DCDC2: variants seen among roughly 807,000 people sequenced by gnomAD.
The protein encoded by DCDC2 is doublecortin domain containing 2.
In DCDC2, 40 loss-of-function variants were observed where a neutral mutation model predicts 50.2. The ratio of observed to expected loss-of-function variants is 0.80; its 90% CI spans 0.62 to 1.04. The LOEUF is 1.04. DCDC2 is among the 50% of genes least tolerant of loss of function. DCDC2 has a pLI of 0.00. For synonymous variants in DCDC2, 234 were observed against 210.6 expected (o/e 1.11, Z -0.96); for missense variants, 570 against 581.9 (o/e 0.98, Z 0.21).
intron 7 of DCDC2, among the ~76,000 whole-genome samples, chr6:24,262,399 T>C (rs1468026006): frequency 6.6e-6 from 1 of 152,176 alleles, no homozygotes; most frequent in Non-Finnish European, 1.5e-5. Flanking sequence ...ATAAACTTGA[T>C]AAACTTAAAT....
chr6:24,217,397 AACT>A lies in DCDC2; in HGVS notation c.923-12298_923-12296del, dbSNP rs1315667123. On this transcript the variant is annotated intron_variant, in intron 7 of 9. Coordinates refer to ENST00000378454, the MANE Select transcript of DCDC2 (RefSeq NM_016356.5). ...ATCCAAGGCTCCAACATTCACTTTC[AACT>A]ACTACCAATAATATGTTTCTACTAT... 8.5e-5 allele frequency among the ~76,000 whole-genome samples: 13 copies of A among 152,374 alleles called. 1 individual carries two copies. The highest frequency in any genetic ancestry group is 3.9e-4 in the East Asian group (2 of 5,194).
intron 8 of DCDC2, among the ~76,000 whole-genome samples, chr6:24,187,256 C>A (rs1421025483): frequency 6.6e-6 from 1 of 152,134 alleles, no homozygotes; most frequent in Non-Finnish European, 1.5e-5. Context: ...CCCAGACCTT[C>A]CCAGACATAA....
intron 7 of DCDC2, among the ~76,000 whole-genome samples, chr6:24,214,193 T>G (rs1404673877): frequency 6.6e-6 from 1 of 152,228 alleles, no homozygotes; most frequent in East Asian, 1.9e-4. Context: ...TTCAGGGTAT[T>G]AAATCTCATC....
At chr6:24,337,624 T>C (rs759649553) in intron 2 of DCDC2, among the ~76,000 whole-genome samples, 9 of 151,872 alleles carry the variant, frequency 5.9e-5, no homozygotes, top group Non-Finnish European at 1.0e-4. Flanking sequence ...TGAAACCCCA[T>C]CTCTACCAAA....
chr6:24,181,156 C>T (rs1335592802), intron 8 of DCDC2, among the ~76,000 whole-genome samples: 2 of 152,090 alleles, frequency 1.3e-5, no homozygotes, highest in East Asian at 3.9e-4. Flanking sequence ...AGGGTGGGTC[C>T]CTCACAAAGG....
intron 2 of DCDC2, among the ~76,000 whole-genome samples, chr6:24,340,049 T>G (rs569283833): frequency 6.6e-6 from 1 of 152,304 alleles, no homozygotes; most frequent in Admixed American, 6.5e-5. Context: ...AAATTCCCAG[T>G]AGACAATCAC....
intron 2 of DCDC2, among the ~76,000 whole-genome samples, chr6:24,324,523 C>T (rs2113853947): frequency 6.6e-6 from 1 of 152,238 alleles, no homozygotes; most frequent in East Asian, 1.9e-4. Flanking sequence ...CCCTATTTGT[C>T]CCATCTTTTT....
chr6:24,323,737 C>T (rs1759811133), intron 2 of DCDC2, among the ~76,000 whole-genome samples: 1 of 152,002 alleles, frequency 6.6e-6, no homozygotes, highest in South Asian at 2.1e-4. Context: ...CCTGAGGCAA[C>T]CAGCAACAAT....
chr6:24,283,691 T>A (rs1264360622), intron 6 of DCDC2, among the ~76,000 whole-genome samples: 1 of 152,138 alleles, frequency 6.6e-6, no homozygotes, highest in East Asian at 1.9e-4. Flanking sequence ...TAATGATCTA[T>A]AAAATGCATG....
chr6:24,334,819 T>A (rs1311565326), intron 2 of DCDC2, among the ~76,000 whole-genome samples: 1 of 152,180 alleles, frequency 6.6e-6, no homozygotes, highest in Admixed American at 6.5e-5. Flanking sequence ...AGACCAGACA[T>A]GCTGGTGGAA....
upstream of DCDC2, among the ~76,000 whole-genome samples, chr6:24,362,191 T>C (rs1032920737): frequency 7.3e-5 from 11 of 151,466 alleles, no homozygotes; most frequent in African/African-American, 2.7e-4. Flanking sequence ...TTTAATTGTA[T>C]ATTTATACAA....
At chr6:24,300,934 C>A (rs1299273160) in intron 4 of DCDC2, among the ~76,000 whole-genome samples, 1 of 152,080 alleles carries the variant, frequency 6.6e-6, no homozygotes, top group Non-Finnish European at 1.5e-5. Context: ...TACATTTAGA[C>A]AACCCCACTA....
chr6:24,210,396 T>C (rs1761840955), intron 7 of DCDC2, among the ~76,000 whole-genome samples: 1 of 152,118 alleles, frequency 6.6e-6, no homozygotes, highest in African/African-American at 2.4e-5. Flanking sequence ...AAAACACAAC[T>C]CTGGTTCCCC....
intron 2 of DCDC2, among the ~76,000 whole-genome samples, chr6:24,320,963 A>AT (rs796264392): frequency 2.7e-5 from 4 of 148,488 alleles, no homozygotes; most frequent in Non-Finnish European, 6.0e-5. Flanking sequence ...AAAATTAAAA[A>AT]AAAAAAAAAA....
intron 1 of DCDC2, among the ~76,000 whole-genome samples, chr6:24,355,689 C>G (rs1760454349): frequency 6.6e-6 from 1 of 152,094 alleles, no homozygotes; most frequent in Non-Finnish European, 1.5e-5. Flanking sequence ...CCCTTTTTTA[C>G]GAAGTTTAAC....
intron 1 of DCDC2, among the ~76,000 whole-genome samples, chr6:24,355,741 C>T (rs1347116098): frequency 2.6e-5 from 4 of 151,982 alleles, no homozygotes; most frequent in Non-Finnish European, 5.9e-5. Context: ...AAAATAAATC[C>T]AAATATATCC....
At chr6:24,296,582 C>G (rs796984106) in intron 4 of DCDC2, among the ~76,000 whole-genome samples, 45 of 152,068 alleles carry the variant, frequency 3.0e-4, no homozygotes, top group Middle Eastern at 6.8e-3. Flanking sequence ...TGACAAAGGT[C>G]TAATATCCAG....
intron 7 of DCDC2, among the ~76,000 whole-genome samples, chr6:24,246,176 AAAAC>A (rs1388524075): frequency 6.6e-6 from 1 of 152,132 alleles, no homozygotes; most frequent in Non-Finnish European, 1.5e-5. Context: ...AAAAGAGATA[AAAAC>A]AAACAAACAA....
chr6:24,206,778 C>T (rs1452207498), intron 7 of DCDC2, among the ~76,000 whole-genome samples: 1 of 152,114 alleles, frequency 6.6e-6, no homozygotes, highest in Admixed American at 6.5e-5. Context: ...AAATGACAAC[C>T]ATAAGGATAT....
Sources: allele counts gnomAD v4.1 joint callset (sites outside exome capture counted in the v4.1 genomes callset), GRCh38; gene constraint gnomAD v4.1.1; transcripts MANE v1.5; gene names NCBI Gene and HGNC (gene_info 2026-07-23, HGNC 2026-07-21).